Variants in FER observed in about 807,000 individuals in gnomAD.
FER encodes the protein tyrosine-protein kinase Fer.
FER carries 63 observed loss-of-function variants against 111.0 expected under a neutral mutation model. The observed-to-expected ratio is 0.57, with a 90% CI of 0.46 to 0.70. The LOEUF (loss-of-function observed/expected upper bound fraction) is 0.70. Ranked by LOEUF, FER falls within the 30% of genes least tolerant of loss-of-function variation. FER has a pLI of 0.00. For missense variants in FER, 914 were observed against 954.0 expected (o/e 0.96, Z 0.55); for synonymous variants, 327 against 313.9 (o/e 1.04, Z -0.44).
At chr5:108,965,053 G>GA (rs1363940530) in intron 13 of FER, among the ~76,000 whole-genome samples, 2 of 151,796 alleles carry the variant, frequency 1.3e-5, no homozygotes, top group Non-Finnish European at 2.9e-5. Context: ...CTCACAGTTT[G>GA]AAAAAAACGT....
At chr5:108,989,438 T>G (rs144582005) in intron 13 of FER, among the ~76,000 whole-genome samples, 1 of 152,154 alleles carries the variant, frequency 6.6e-6, no homozygotes, top group East Asian at 1.9e-4. Context: ...TAAGAATCAT[T>G]AAGAAATACT....
chr5:108,859,430 A>T (rs1212839108), intron 5 of FER, among the ~76,000 whole-genome samples: 2 of 151,858 alleles, frequency 1.3e-5, no homozygotes, highest in African/African-American at 4.8e-5. Flanking sequence ...TGGGAGGGGG[A>T]GAGATCATTT....
At chr5:109,118,030 AACTTCCAAC>A (rs1750475514) in intron 17 of FER, among the ~76,000 whole-genome samples, 1 of 152,066 alleles carries the variant, frequency 6.6e-6, no homozygotes, top group Admixed American at 6.5e-5. Context: ...CCCTGGCCAG[AACTTCCAAC>A]ACTATGTTGA....
intron 10 of FER, among the ~76,000 whole-genome samples, chr5:108,931,576 CT>C (rs1230552366): frequency 6.6e-6 from 1 of 152,110 alleles, no homozygotes; most frequent in Non-Finnish European, 1.5e-5. Context: ...AAAAATGGCT[CT>C]TTTCTTGAGA....
intron 17 of FER, among the ~76,000 whole-genome samples, chr5:109,130,306 C>G (rs1262741350): frequency 6.6e-6 from 1 of 151,760 alleles, no homozygotes; most frequent in Non-Finnish European, 1.5e-5. Context: ...TTAAGAGAAA[C>G]CAGTTTTCCC....
chr5:108,770,149 T>C (rs1752741008), intron 2 of FER, among the ~76,000 whole-genome samples: 1 of 152,154 alleles, frequency 6.6e-6, no homozygotes, highest in African/African-American at 2.4e-5. Context: ...GGTTTCTCCA[T>C]GTTGGTCAGG....
intron 2 of FER, among the ~76,000 whole-genome samples, chr5:108,787,369 C>G (rs547700901): frequency 6.6e-5 from 10 of 152,290 alleles, no homozygotes; most frequent in South Asian, 2.1e-4. Context: ...GCAGGCGCCT[C>G]TTGGGACAGT....
chr5:109,131,865 A>G (rs752531670), intron 17 of FER, among the ~76,000 whole-genome samples: 1 of 151,998 alleles, frequency 6.6e-6, no homozygotes, highest in East Asian at 1.9e-4. Context: ...TATCATGCAT[A>G]CTCCTTGTTA....
chr5:109,145,809 T>G (rs9326762), intron 17 of FER, among the ~76,000 whole-genome samples: 29,047 of 151,898 alleles, frequency 0.19, 2,938 homozygotes, highest in Non-Finnish European at 0.22. Flanking sequence ...TCAGGAAATA[T>G]ATGCTAATGT....
chr5:109,131,016 A>G (rs1752296874), intron 17 of FER, among the ~76,000 whole-genome samples: 1 of 152,172 alleles, frequency 6.6e-6, no homozygotes, highest in Non-Finnish European at 1.5e-5. Context: ...TCAACATAGT[A>G]ACCATGTTTT....
chr5:108,984,722 CTG>C (rs142727195), intron 13 of FER, among the ~76,000 whole-genome samples: 8,874 of 151,990 alleles, frequency 0.058, 398 homozygotes, highest in South Asian at 0.12. Context: ...CGTGGGGAAA[CTG>C]TAACAAAGGC....
chr5:108,875,787 A>T (rs745757832), intron 8 of FER, among the ~76,000 whole-genome samples: 1 of 152,150 alleles, frequency 6.6e-6, no homozygotes, highest in East Asian at 1.9e-4. Flanking sequence ...AAAAGAAGAA[A>T]TTTTGATTAA....
chr5:108,838,091 AT>A (rs955167455), intron 5 of FER, among the ~76,000 whole-genome samples: 24 of 152,318 alleles, frequency 1.6e-4, no homozygotes, highest in African/African-American at 5.3e-4. Context: ...TCATATTTAA[AT>A]GAAAAAGTAT....
intron 5 of FER, among the ~76,000 whole-genome samples, chr5:108,853,648 T>G (rs2150193538): frequency 6.6e-6 from 1 of 152,312 alleles, no homozygotes; most frequent in Admixed American, 6.5e-5. Flanking sequence ...TCAGTACAGA[T>G]ACCTTTTTGT....
At chr5:109,017,342 G>T (rs116605150) in intron 13 of FER, among the ~76,000 whole-genome samples, 29 of 151,868 alleles carry the variant, frequency 1.9e-4, no homozygotes, top group South Asian at 4.1e-4. Flanking sequence ...AGAATTTAAA[G>T]TATTTTATTT....
chr5:108,938,071 C>T lies in FER; in HGVS notation c.1237-8059C>T, dbSNP rs1016799687. Among the ~76,000 whole-genome samples the T allele has an allele frequency of 3.1e-4, 40 of 129,138 alleles. 1 individual carries two copies. Among genetic ancestry groups the T allele is most frequent in the African/African-American group, 1.0e-3 (36 of 35,464 alleles). The allele number at this position is 129,138 out of a possible 152,430, so 84.7% of individuals were successfully genotyped here. On this transcript the variant is annotated intron_variant, in intron 10 of 19. Coordinates refer to ENST00000281092, the MANE Select transcript of FER (RefSeq NM_005246.4). ...ACACACACACACACACACACACACA[C>T]GTAAAAACTGAAGGGCTGATGGGAA...
Position 108,862,430 on chromosome 5 carries a change from G to A in FER, c.482-5337G>A, listed in dbSNP as rs116770171. ...GTGCAGTTTAAATATCTGTGCAAAT[G>A]AGAGGACAGATGGGTGGTTTAAATG... On this transcript the variant is annotated intron_variant, in intron 5 of 19. Coordinates refer to ENST00000281092, the MANE Select transcript of FER (RefSeq NM_005246.4). 2.7e-3 allele frequency among the ~76,000 whole-genome samples: 411 copies of A among 152,308 alleles called. 1 individual carries two copies. Among genetic ancestry groups the A allele is most frequent in the African/African-American group, 9.4e-3 (389 of 41,566 alleles).
intron 17 of FER, among the ~76,000 whole-genome samples, chr5:109,159,724 G>GA (rs1384259310): frequency 6.6e-6 from 1 of 152,088 alleles, no homozygotes; most frequent in East Asian, 1.9e-4. Context: ...GTTTTACTTG[G>GA]AAAAATACTT....
At chr5:109,125,788 G>T (rs1221634212) in intron 17 of FER, among the ~76,000 whole-genome samples, 1 of 152,142 alleles carries the variant, frequency 6.6e-6, no homozygotes, top group Admixed American at 6.5e-5. Flanking sequence ...ATCATCTCAT[G>T]TAAGACTTTT....
Sources: gnomAD v4.1 joint callset for allele counts (sites outside exome capture counted in the v4.1 genomes callset) on GRCh38, gnomAD v4.1.1 for gene constraint, MANE v1.5 for transcripts, NCBI Gene and HGNC (gene_info 2026-07-23, HGNC 2026-07-21) for gene names.